Variants in ALPK3 observed in about 807,000 individuals in gnomAD.
ALPK3 encodes alpha-protein kinase 3.
In ALPK3, 102 loss-of-function variants were observed where a neutral mutation model predicts 140.0. The observed-to-expected ratio is 0.73, with a 90% CI of 0.62 to 0.86. The LOEUF (loss-of-function observed/expected upper bound fraction) is 0.86. Ranked by LOEUF, ALPK3 falls within the 40% of genes least tolerant of loss-of-function variation. The probability of loss-of-function intolerance (pLI) is 0.00; values close to 1 mark genes in which losing one functional copy is unlikely to be tolerated. For synonymous variants in ALPK3, 938 were observed against 898.5 expected, an observed-to-expected ratio of 1.04 and a Z score of -0.79; for missense variants, 2,254 against 2,208.2, an observed-to-expected ratio of 1.02 and a Z score of -0.42.
At chr15:84,865,757 G>A (rs1309019095) in intron 12 of ALPK3, among the ~76,000 whole-genome samples, 3 of 152,084 alleles carry the variant, frequency 2.0e-5, no homozygotes, top group Non-Finnish European at 4.4e-5. Flanking sequence ...CCAGGAGTTC[G>A]AAACCAGCCT....
At chr15:84,820,330 C>G (rs527609346) in intron 1 of ALPK3, among the ~76,000 whole-genome samples, 4 of 152,190 alleles carry the variant, frequency 2.6e-5, no homozygotes, top group African/African-American at 9.6e-5. Context: ...CTGTCTAGGG[C>G]TTTTAGGGAA....
rs1359058118 is a variant in ALPK3, at chr15:84,867,359, T to C, written c.4766T>C (p.Leu1589Pro). 1 of 1,613,962 alleles carries C rather than the reference T, an allele frequency of 6.2e-7. No homozygotes were observed. The highest frequency in any genetic ancestry group is 1.3e-5 in the African/African-American group (1 of 75,042). The change falls in exon 13 of 14, where the codon CTC becomes CCC. Residue 1589 changes from leucine (L) to proline (P), a missense_variant. Physicochemically the swap from Leu to Pro is moderately conservative, Grantham distance 98. Coordinates refer to ENST00000258888, the MANE Select transcript of ALPK3 (RefSeq NM_020778.5). ...ACTGATGTGCAGATTGCTACCAAAC[T>C]CCGAGGGTGAGTGGTTCTTGGGGAC... ...KMTDVQIATK[L>P]RGYQGLKESC... is the part of the protein sequence containing the mutation.
chr15:84,842,581 A>T (rs553735345), intron 5 of ALPK3, among the ~76,000 whole-genome samples: 3 of 152,166 alleles, frequency 2.0e-5, no homozygotes, highest in Admixed American at 6.5e-5. Context: ...CAAAGGGGAA[A>T]GGATGCTTTG....
intron 3 of ALPK3, among the ~76,000 whole-genome samples, chr15:84,834,764 G>A (rs1169792708): frequency 3.3e-5 from 5 of 152,236 alleles, no homozygotes; most frequent in East Asian, 1.9e-4. Context: ...CTCAAGTGCC[G>A]CCATGGGCTG....
intron 5 of ALPK3, among the ~76,000 whole-genome samples, chr15:84,846,181 C>T (rs891852603): frequency 6.6e-6 from 1 of 152,198 alleles, no homozygotes; most frequent in Non-Finnish European, 1.5e-5. Context: ...GTAGCCTGAA[C>T]ACAACTAGGT....
chr15:84,834,972 G>A (rs1963583127), intron 3 of ALPK3, among the ~76,000 whole-genome samples: 1 of 152,220 alleles, frequency 6.6e-6, no homozygotes, highest in Admixed American at 6.5e-5. Flanking sequence ...CTAAGCTGTC[G>A]GGTTGGCCCC....
intron 5 of ALPK3, among the ~76,000 whole-genome samples, chr15:84,842,442 G>A (rs752983865): frequency 2.0e-5 from 3 of 152,202 alleles, no homozygotes; most frequent in African/African-American, 2.4e-5. Context: ...GTTATAGATC[G>A]GGAATGGCTT....
intron 2 of ALPK3, among the ~76,000 whole-genome samples, chr15:84,823,601 A>G (rs1315677819): frequency 6.6e-6 from 1 of 152,096 alleles, no homozygotes; most frequent in Non-Finnish European, 1.5e-5. Context: ...AGGAATAGAA[A>G]TATGGGCAGG....
At chr15:84,835,310 G>A (rs996857260) in intron 3 of ALPK3, among the ~76,000 whole-genome samples, 7 of 152,196 alleles carry the variant, frequency 4.6e-5, no homozygotes, top group African/African-American at 1.7e-4. Flanking sequence ...GCTGCCCAGA[G>A]TTTGTTCCTG....
rs1443323643 is a variant in ALPK3 at position 84,857,628 on chromosome 15, C to A, written c.2890C>A (p.Leu964Met). 1.3e-6 allele frequency: 2 copies of A among 1,583,932 alleles called. No homozygotes were observed. Among genetic ancestry groups the A allele is most frequent in the Admixed American group, 3.5e-5 (2 of 57,692 alleles). Residue 964 changes from leucine (L) to methionine (M), a missense_variant, in exon 6 of 14, where the codon CTG (leucine) becomes ATG (methionine). Leu to Met is a conservative substitution (Grantham distance 15). Coordinates refer to ENST00000258888, the MANE Select transcript of ALPK3 (RefSeq NM_020778.5). ...CCTCATAGATTCCCTGAAGAACTACCTGCTTCTGCTGCTGAAGCTGTCCAG... is the reference window on the plus strand; with the variant it reads ...CCTCATAGATTCCCTGAAGAACTACATGCTTCTGCTGCTGAAGCTGTCCAG... The part of the protein sequence containing the change: ...PGLIDSLKNY[L>M]LLLLKLSSTE...
At chr15:84,844,382 C>A (rs181336590) in intron 5 of ALPK3, among the ~76,000 whole-genome samples, 1 of 151,364 alleles carries the variant, frequency 6.6e-6, no homozygotes. Flanking sequence ...ACTCCAGCCT[C>A]GGTGACAGAG....
intron 9 of ALPK3, among the ~76,000 whole-genome samples, chr15:84,861,647 T>C (rs1442271272): frequency 6.6e-6 from 1 of 152,254 alleles, no homozygotes; most frequent in East Asian, 1.9e-4. Flanking sequence ...TGGTCTTTTC[T>C]TCTTCATTCA....
rs374878079 is a variant in ALPK3 at position 84,862,819 on chromosome 15, G to A, written c.4314G>A (p.Ser1438=). Residue 1438 remains serine, a synonymous_variant, in exon 10 of 14, where the codon TCG becomes TCA. Coordinates refer to ENST00000258888, the MANE Select transcript of ALPK3 (RefSeq NM_020778.5). ...VIYGLEPIFE[S]GRTCIIKVSS... is the part of the protein sequence containing the mutation. ...ACGGGCTGGAACCCATCTTCGAGTC[G>A]GGCCGCACGTGCATCATCAAGGTGT... The A allele has an allele frequency of 4.5e-5, 72 of 1,614,132 alleles. No homozygotes were observed. The highest frequency in any genetic ancestry group is 1.5e-4 in the Admixed American group (9 of 60,020).
In ALPK3 at chr15:84,823,887, A is replaced by AT. The variant is rs1162170297; in HGVS notation, c.182+523dup. 7.9e-5 allele frequency among the ~76,000 whole-genome samples: 12 copies of AT among 151,666 alleles called. No individual in the cohort carries two copies. In the East Asian group the frequency reaches 2.3e-3, roughly 29 times the overall value. ...CATGATGCCTGGCTAATTTTTAAAA[A>AT]TTTTCTTGTAGAGACAGAGTCTCAC... On this transcript the variant is annotated intron_variant, in intron 2 of 13. Coordinates refer to ENST00000258888, the MANE Select transcript of ALPK3 (RefSeq NM_020778.5).
intron 2 of ALPK3, among the ~76,000 whole-genome samples, chr15:84,824,546 C>A (rs1963463811): frequency 6.6e-6 from 1 of 152,212 alleles, no homozygotes; most frequent in East Asian, 1.9e-4. Context: ...ACTACTATGT[C>A]CATGGTCCTT....
chr15:84,823,432 C>T, intron 2 of ALPK3, 64 bp downstream of exon 2: 1 of 1,573,852 alleles, frequency 6.4e-7, no homozygotes, highest in Non-Finnish European at 8.7e-7. Flanking sequence ...ATTGAGGGGC[C>T]ACTGAGTGTC....
rs779674365 is a variant in ALPK3 at position 84,856,885 on chromosome 15, C to T, written c.2147C>T (p.Ala716Val). Reference protein sequence around the residue: ...GEKGTQSEGSAPTAMEGQSEQ... With the variant: ...GEKGTQSEGSVPTAMEGQSEQ... ...AAGGGGACGCAGTCAGAGGGGAGCG[C>T]GCCCACAGCCATGGAAGGTCAGTCT... The change falls in exon 6 of 14, where the codon GCG becomes GTG. Residue 716 changes from alanine to valine, a missense_variant. Ala to Val is a moderately conservative substitution (Grantham distance 64). Around this residue, in one of 3 missense-constraint regions of ALPK3, gnomAD observed 2,088 missense variants for 2,022.9 expected, o/e 1.03. Transcript: ENST00000258888. 1.1e-5 allele frequency: 17 copies of T among 1,613,924 alleles called. No homozygotes were observed. Among genetic ancestry groups the T allele is most frequent in the Admixed American group, 6.7e-5 (4 of 59,996 alleles).
chr15:84,867,462 C>G, intron 13 of ALPK3, 97 bp downstream of exon 13: 1 of 1,458,164 alleles, frequency 6.9e-7, no homozygotes, highest in Non-Finnish European at 9.6e-7. Flanking sequence ...GGTGCTGGGC[C>G]TGGGGCCAAG....
Position 84,858,554 on chromosome 15 carries a change from A to T in ALPK3, c.3816A>T (p.Lys1272Asn). The T allele has an allele frequency of 1.3e-5, 20 of 1,580,208 alleles. No individual in the cohort carries two copies. The highest frequency in any genetic ancestry group is 1.7e-5 in the Non-Finnish European group (20 of 1,171,192). ...CCAGGAAAGCCAAAGACCTGCTGAA[A>T]GGTGAGCAGTGGGGAGGGAGAGGGA... Reference protein sequence around the residue: ...AKPRKAKDLLKAPQVIRKIRV... With the variant: ...AKPRKAKDLLNAPQVIRKIRV... The change falls in exon 6 of 14, where the codon AAA (lysine) becomes AAT (asparagine). Residue 1272 changes from lysine to asparagine, a missense_variant and splice_region_variant. This residue lies in a region of ALPK3 where 2,088 missense variants were observed against 2,022.9 expected (regional missense o/e 1.03). Transcript: ENST00000258888.
Sources: allele counts gnomAD v4.1 joint callset (sites outside exome capture counted in the v4.1 genomes callset), GRCh38; gene constraint gnomAD v4.1.1; regional missense constraint gnomAD v4.1.1; transcripts MANE v1.5; gene names NCBI Gene and HGNC (gene_info 2026-07-23, HGNC 2026-07-21).